PAX9: variants seen among roughly 807,000 people sequenced by gnomAD.
The protein encoded by PAX9 is paired box 9, also known as paired box protein Pax-9.
In PAX9, 6 loss-of-function variants were observed where a neutral mutation model predicts 29.1. The ratio of observed to expected loss-of-function variants is 0.21; its 90% CI spans 0.11 to 0.41. The LOEUF is 0.41. Among genes scored for constraint, PAX9 ranks in the 10% least tolerant of loss-of-function variants. The pLI, the probability that PAX9 is intolerant of heterozygous loss-of-function variation, is 1.00. For missense variants in PAX9, 443 were observed against 479.1 expected (o/e 0.92, Z 0.70); for synonymous variants, 217 against 211.7 (o/e 1.03, Z -0.22).
chr14:36,661,087 G>A (rs1394594661), upstream of PAX9, among the ~76,000 whole-genome samples: 1 of 152,252 alleles, frequency 6.6e-6, no homozygotes, highest in African/African-American at 2.4e-5. Flanking sequence ...CAGAGCCTTG[G>A]GCTCCGTAGT....
Position 36,676,555 on chromosome 14 carries a change from T to G in PAX9, c.*103T>G, listed in dbSNP as rs558264939. The G allele has an allele frequency of 7.4e-7, 1 of 1,358,724 alleles. No homozygotes were observed. Among genetic ancestry groups the G allele is most frequent in the African/African-American group, 1.4e-5 (1 of 70,016 alleles). The allele number at this position is 1,358,724 out of a possible 1,614,324, so 84.2% of individuals were successfully genotyped here. On this transcript the variant is annotated 3_prime_UTR_variant, in exon 4 of 4. Transcript: ENST00000361487. ...TCCCACCCCTCCTGCCCTCCAACCCTTCTGCCTTGAAAGCTGGCTGTACGG... is the reference window on the plus strand; with the variant it reads ...TCCCACCCCTCCTGCCCTCCAACCCGTCTGCCTTGAAAGCTGGCTGTACGG...
chr14:36,660,412 G>A (rs757644559), upstream of PAX9, among the ~76,000 whole-genome samples: 16 of 152,220 alleles, frequency 1.1e-4, no homozygotes, highest in Admixed American at 3.9e-4. Context: ...CTAAAGAGTG[G>A]TGTTTTAGTT....
upstream of PAX9, among the ~76,000 whole-genome samples, chr14:36,660,105 G>C (rs1881202027): frequency 6.6e-6 from 1 of 152,094 alleles, no homozygotes; most frequent in South Asian, 2.1e-4. Flanking sequence ...ATTCCCTCCC[G>C]CAAGCCTAAG....
At chr14:36,672,425 A>G (rs568221945) in intron 3 of PAX9, among the ~76,000 whole-genome samples, 1 of 152,210 alleles carries the variant, frequency 6.6e-6, no homozygotes, top group African/African-American at 2.4e-5. Flanking sequence ...TGCTACCTGT[A>G]GTTGTTTTCC....
intron 3 of PAX9, among the ~76,000 whole-genome samples, chr14:36,672,851 C>CTTTTTTTTT: frequency 4.3e-5 from 1 of 23,078 alleles, no homozygotes; most frequent in Non-Finnish European, 1.0e-4. Context: ...TTTCTTTCTT[C>CTTTTTTTTT]CTTTTTTTTT....
upstream of PAX9, among the ~76,000 whole-genome samples, chr14:36,659,893 C>A (rs1881190833): frequency 6.6e-6 from 1 of 152,192 alleles, no homozygotes; most frequent in South Asian, 2.1e-4. Flanking sequence ...AAAGCTCTCG[C>A]AGAGTCCCCA....
chr14:36,665,167 G>GA (rs67344124), intron 2 of PAX9, among the ~76,000 whole-genome samples: 4,651 of 87,606 alleles, frequency 0.053, 184 homozygotes, highest in South Asian at 0.11. Flanking sequence ...GAGACATAGT[G>GA]AAAAAAAAAA....
intron 1 of PAX9, 80 bp downstream of exon 1, chr14:36,662,173 A>G (rs1235784647): frequency 2.4e-6 from 3 of 1,253,282 alleles, no homozygotes; most frequent in Non-Finnish European, 3.2e-6. Flanking sequence ...GGAGGGAGGG[A>G]GCGCGAGGGC....
chr14:36,669,172 C>T (rs1049411605), intron 3 of PAX9, among the ~76,000 whole-genome samples: 9 of 152,112 alleles, frequency 5.9e-5, no homozygotes, highest in African/African-American at 2.2e-4. Flanking sequence ...CCAAGTTCAG[C>T]CGTGCCATTT....
In PAX9 at chr14:36,678,686, A is replaced by G; in HGVS notation, c.*2234A>G. 8.0e-7 allele frequency: 1 copy of G among 1,250,796 alleles called. No individual in the cohort carries two copies. The allele number at this position is 1,250,796 out of a possible 1,614,324, so 77.5% of individuals were successfully genotyped here. On this transcript the variant is annotated 3_prime_UTR_variant, in exon 4 of 4. Transcript: ENST00000361487. Reference sequence around the variant, plus strand: ...ATATTACTTGCTTGTGTGGAAATGCAAATAATGTTATTTTCTTTATCTAAA... The same window carrying G: ...ATATTACTTGCTTGTGTGGAAATGCGAATAATGTTATTTTCTTTATCTAAA...
Position 36,663,296 on chromosome 14 carries a change from C to T in PAX9, c.404C>T (p.Ala135Val). 1.2e-6 allele frequency: 2 copies of T among 1,614,178 alleles called. No homozygotes were observed. Among genetic ancestry groups the T allele is most frequent in the African/African-American group, 2.7e-5 (2 of 75,074 alleles). The change falls in exon 2 of 4, where the codon GCC becomes GTC. Residue 135 changes from alanine to valine, a missense_variant. Ala to Val is a moderately conservative substitution (Grantham distance 64). Transcript: ENST00000361487. ...CTGCGCAACAAGATCGGCAACTTGG[C>T]CCAGCAGGGTCATTACGACTCATAC... ...RILRNKIGNL[A>V]QQGHYDSYKQ...
chr14:36,676,512 C>G lies in PAX9; in HGVS notation c.*60C>G. On this transcript the variant is annotated 3_prime_UTR_variant, in exon 4 of 4. Transcript: ENST00000361487. ...CTCCCTGTCTCAGCACCTCCTCCCC[C>G]AATTCCCAGGTCTCACATCCCACCC... The G allele has an allele frequency of 1.9e-6, 3 of 1,591,864 alleles. No homozygotes were observed. Among genetic ancestry groups the G allele is most frequent in the Non-Finnish European group, 2.6e-6 (3 of 1,172,622 alleles).
At chr14:36,659,515 T>C (rs1469004134), upstream of PAX9, among the ~76,000 whole-genome samples, 1 of 152,182 alleles carries the variant, frequency 6.6e-6, no homozygotes, top group South Asian at 2.1e-4. Context: ...GGATACTTAG[T>C]GGCCCAAAAC....
Position 36,679,098 on chromosome 14 carries a change from G to A in PAX9, c.*2646G>A. 1.0e-6 allele frequency: 1 copy of A among 985,390 alleles called. No homozygotes were observed. 61.0% of individuals were successfully genotyped at this position (985,390 alleles called of 1,614,324 possible). On this transcript the variant is annotated 3_prime_UTR_variant, in exon 4 of 4. Coordinates refer to ENST00000361487, the MANE Select transcript of PAX9 (RefSeq NM_001372076.1). Reference sequence around the variant, plus strand: ...AAAGGTTCAATTTCATGACCTCTATGCAGGCAGCGCTCTCATTGGATGTAA... The same window carrying A: ...AAAGGTTCAATTTCATGACCTCTATACAGGCAGCGCTCTCATTGGATGTAA...
At chr14:36,673,592 A>T (rs1439721600) in intron 3 of PAX9, among the ~76,000 whole-genome samples, 1 of 152,044 alleles carries the variant, frequency 6.6e-6, no homozygotes, top group Admixed American at 6.5e-5. Context: ...GTCCAAGTAA[A>T]TGGGGCAGAT....
At chr14:36,667,053 C>G (rs1881531912) in intron 3 of PAX9, among the ~76,000 whole-genome samples, 1 of 152,324 alleles carries the variant, frequency 6.6e-6, no homozygotes, top group Admixed American at 6.5e-5. Context: ...CCCCGGGTCT[C>G]GGCCCCACGG....
Position 36,679,014 on chromosome 14 carries a change from T to TA in PAX9, c.*2562_*2563insA. 1.1e-6 allele frequency: 1 copy of TA among 873,964 alleles called. No individual in the cohort carries two copies. Among genetic ancestry groups the TA allele is most frequent in the Non-Finnish European group, 1.3e-6 (1 of 756,676 alleles). The allele number at this position is 873,964 out of a possible 1,614,324, so 54.1% of individuals were successfully genotyped here. On this transcript the variant is annotated 3_prime_UTR_variant, in exon 4 of 4. Transcript: ENST00000361487. ...CTCATAGATGGTAAAAGTGTTGCTT[T>TA]TAAACTGGCAAATGCACTCTTCAGA...
At chr14:36,672,996 G>T (rs1346302912) in intron 3 of PAX9, among the ~76,000 whole-genome samples, 2 of 150,252 alleles carry the variant, frequency 1.3e-5, no homozygotes, top group Admixed American at 6.7e-5. Context: ...CTCCCAAGTA[G>T]CTGGGATTAC....
chr14:36,673,156 G>A (rs1480720437), intron 3 of PAX9, among the ~76,000 whole-genome samples: 1 of 151,852 alleles, frequency 6.6e-6, no homozygotes, highest in Non-Finnish European at 1.5e-5. Context: ...GTGAGCCACC[G>A]TGCCCGGCCG....
Sources: allele counts gnomAD v4.1 joint callset (sites outside exome capture counted in the v4.1 genomes callset), GRCh38; gene constraint gnomAD v4.1.1; transcripts MANE v1.5; gene names NCBI Gene and HGNC (gene_info 2026-07-23, HGNC 2026-07-21).